HS6ST3: variants seen among roughly 807,000 people sequenced by gnomAD.
The protein encoded by HS6ST3 is heparan sulfate 6-O-sulfotransferase 3.
A neutral mutation model predicts 36.7 loss-of-function variants in HS6ST3; 12 were observed. That is an observed-to-expected ratio of 0.33 (90% CI 0.21 to 0.53). The LOEUF is 0.53. HS6ST3 is among the 20% of genes least tolerant of loss of function. HS6ST3 has a pLI of 0.95. For missense variants in HS6ST3, 584 were observed against 640.9 expected (o/e 0.91, Z 0.96); for synonymous variants, 240 against 257.5 (o/e 0.93, Z 0.65).
intron 1 of HS6ST3, among the ~76,000 whole-genome samples, chr13:96,392,196 C>T (rs755310744): frequency 5.3e-5 from 8 of 152,206 alleles, no homozygotes; most frequent in Admixed American, 3.9e-4. Context: ...CAGCACATAC[C>T]TGTAGGCTGA....
intron 1 of HS6ST3, among the ~76,000 whole-genome samples, chr13:96,685,297 C>T (rs1874737166): frequency 2.0e-5 from 3 of 151,974 alleles, no homozygotes; most frequent in Non-Finnish European, 2.9e-5. Context: ...ATCTCATTAC[C>T]TCATTTGGGG....
At chr13:96,276,593 A>C (rs1405765747) in intron 1 of HS6ST3, among the ~76,000 whole-genome samples, 1 of 152,200 alleles carries the variant, frequency 6.6e-6, no homozygotes, top group Non-Finnish European at 1.5e-5. Flanking sequence ...AGCATGTGAA[A>C]GTATCTTGCA....
At chr13:96,289,383 G>A (rs1346944341) in intron 1 of HS6ST3, among the ~76,000 whole-genome samples, 1 of 152,128 alleles carries the variant, frequency 6.6e-6, no homozygotes, top group Non-Finnish European at 1.5e-5. Context: ...TGGGAATAGA[G>A]CAAAGATAGA....
rs552420372 is a variant in HS6ST3, at chr13:96,473,625, C to T, written c.708-358865C>T. On this transcript the variant is annotated intron_variant, in intron 1 of 1. Coordinates refer to ENST00000376705, the MANE Select transcript of HS6ST3 (RefSeq NM_153456.4). ...TCTACAGAGGCGGCGTCCAATTACT[C>T]AGAATATCTGCCCCTGCTCTTGGCA... Among the ~76,000 whole-genome samples the T allele has an allele frequency of 6.6e-4, 100 of 152,318 alleles. 2 individuals are homozygous for T. The highest frequency in any genetic ancestry group is 2.2e-3 in the African/African-American group (92 of 41,568).
chr13:96,394,707 T>C (rs1221814484), intron 1 of HS6ST3, among the ~76,000 whole-genome samples: 3 of 152,192 alleles, frequency 2.0e-5, no homozygotes, highest in African/African-American at 7.2e-5. Flanking sequence ...AATGTGATCC[T>C]ATTGTTGGAA....
intron 1 of HS6ST3, among the ~76,000 whole-genome samples, chr13:96,437,023 G>A (rs1335939787): frequency 1.3e-5 from 2 of 151,984 alleles, no homozygotes; most frequent in Admixed American, 6.6e-5. Context: ...ATTCAATGGG[G>A]GAGCATATTT....
intron 1 of HS6ST3, among the ~76,000 whole-genome samples, chr13:96,631,557 T>C (rs766155402): frequency 2.6e-5 from 4 of 152,348 alleles, no homozygotes; most frequent in Non-Finnish European, 4.4e-5. Flanking sequence ...AGTTATTCTA[T>C]ATGAAGATTC....
intron 1 of HS6ST3, among the ~76,000 whole-genome samples, chr13:96,728,106 A>G (rs1876051711): frequency 1.3e-5 from 2 of 152,210 alleles, no homozygotes; most frequent in East Asian, 1.9e-4. Flanking sequence ...GCTTGGCAAA[A>G]TGTACCTTCT....
chr13:96,254,906 C>A (rs1164245096), intron 1 of HS6ST3, among the ~76,000 whole-genome samples: 1 of 152,134 alleles, frequency 6.6e-6, no homozygotes. Flanking sequence ...TGATTTTTGA[C>A]CTTGTGGCTT....
At chr13:96,748,397 A>C (rs1876614616) in intron 1 of HS6ST3, among the ~76,000 whole-genome samples, 1 of 152,066 alleles carries the variant, frequency 6.6e-6, no homozygotes, top group African/African-American at 2.4e-5. Context: ...AAACCTTCTA[A>C]AACAGTTGAG....
At chr13:96,474,692 C>A (rs575114497) in intron 1 of HS6ST3, among the ~76,000 whole-genome samples, 7 of 152,148 alleles carry the variant, frequency 4.6e-5, no homozygotes, top group African/African-American at 1.7e-4. Flanking sequence ...GAAGAGAAAT[C>A]AGAAGCCCAG....
chr13:96,659,790 C>G (rs1224874201), intron 1 of HS6ST3, among the ~76,000 whole-genome samples: 1 of 152,058 alleles, frequency 6.6e-6, no homozygotes, highest in Non-Finnish European at 1.5e-5. Flanking sequence ...ACCTTTGTCA[C>G]AAATCAACTG....
chr13:96,360,792 C>G (rs1289873555), intron 1 of HS6ST3, among the ~76,000 whole-genome samples: 1 of 151,554 alleles, frequency 6.6e-6, no homozygotes, highest in African/African-American at 2.4e-5. Flanking sequence ...ACTAAAAATA[C>G]AAAAATTAGC....
At chr13:96,439,171 A>G (rs972524001) in intron 1 of HS6ST3, among the ~76,000 whole-genome samples, 1 of 152,202 alleles carries the variant, frequency 6.6e-6, no homozygotes, top group African/African-American at 2.4e-5. Context: ...TGGAAAGAAC[A>G]GTGGAATAGG....
intron 1 of HS6ST3, among the ~76,000 whole-genome samples, chr13:96,592,334 T>C (rs2056385615): frequency 6.6e-6 from 1 of 152,144 alleles, no homozygotes; most frequent in Admixed American, 6.5e-5. Flanking sequence ...TAACTTTGTG[T>C]TATTTCTATT....
At chr13:96,519,977 T>C (rs2056086873) in intron 1 of HS6ST3, among the ~76,000 whole-genome samples, 2 of 152,180 alleles carry the variant, frequency 1.3e-5, no homozygotes, top group African/African-American at 2.4e-5. Context: ...AAACTAATGG[T>C]TGTCTTTATT....
At chr13:96,269,254 T>C (rs768443225) in intron 1 of HS6ST3, among the ~76,000 whole-genome samples, 2 of 152,022 alleles carry the variant, frequency 1.3e-5, no homozygotes, top group Admixed American at 6.6e-5. Flanking sequence ...TTATACTATT[T>C]GGTATACATA....
intron 1 of HS6ST3, among the ~76,000 whole-genome samples, chr13:96,696,379 C>G (rs886563767): frequency 6.6e-6 from 1 of 152,332 alleles, no homozygotes. Context: ...TTCACAGCAA[C>G]TGCTAAATTA....
intron 1 of HS6ST3, among the ~76,000 whole-genome samples, chr13:96,539,992 T>C (rs1468574540): frequency 6.6e-6 from 1 of 152,200 alleles, no homozygotes; most frequent in African/African-American, 2.4e-5. Flanking sequence ...TCCTGATGAG[T>C]GACAAGACCA....
Sources: allele counts gnomAD v4.1 joint callset (sites outside exome capture counted in the v4.1 genomes callset), GRCh38; gene constraint gnomAD v4.1.1; transcripts MANE v1.5; gene names NCBI Gene and HGNC (gene_info 2026-07-23, HGNC 2026-07-21).